The following CSMD3 variants were observed in gnomAD, a reference collection of about 807,000 sequenced individuals.
CSMD3 encodes CUB and Sushi multiple domains 3.
A neutral mutation model predicts 435.2 loss-of-function variants in CSMD3; 177 were observed. That is an observed-to-expected ratio of 0.41 (90% CI 0.36 to 0.46). The LOEUF (loss-of-function observed/expected upper bound fraction) is 0.46. CSMD3 is among the 20% of genes least tolerant of loss of function. CSMD3 has a pLI of 0.34. For missense variants in CSMD3, 4,265 were observed against 4,504.6 expected, an observed-to-expected ratio of 0.95 and a Z score of 1.52; for synonymous variants, 1,656 against 1,520.5, an observed-to-expected ratio of 1.09 and a Z score of -2.07.
intron 2 of CSMD3, among the ~76,000 whole-genome samples, chr8:113,297,508 A>T (rs2093731516): frequency 6.7e-6 from 1 of 150,304 alleles, no homozygotes; most frequent in African/African-American, 2.5e-5. Context: ...CCAATTAATC[A>T]TACCAAGAAA....
chr8:113,291,122 G>T (rs1563658515), intron 2 of CSMD3, among the ~76,000 whole-genome samples: 1 of 151,406 alleles, frequency 6.6e-6, no homozygotes, highest in Non-Finnish European at 1.5e-5. Flanking sequence ...TATGAGAAAT[G>T]CCAATTTAAT....
intron 3 of CSMD3, among the ~76,000 whole-genome samples, chr8:113,225,175 A>T (rs2093012874): frequency 6.6e-6 from 1 of 151,420 alleles, no homozygotes; most frequent in South Asian, 2.1e-4. Flanking sequence ...ACGTCCTAGG[A>T]TTATCAAATT....
At chr8:112,886,442 A>G (rs2081601755) in intron 10 of CSMD3, among the ~76,000 whole-genome samples, 1 of 151,108 alleles carries the variant, frequency 6.6e-6, no homozygotes, top group Non-Finnish European at 1.5e-5. Context: ...TGTTCCTGTT[A>G]TCTTGTGTCG....
intron 7 of CSMD3, among the ~76,000 whole-genome samples, chr8:112,959,136 C>T (rs1564150448): frequency 6.6e-6 from 1 of 151,900 alleles, no homozygotes; most frequent in African/African-American, 2.4e-5. Context: ...ATGTAATATG[C>T]AGAACATTTA....
chr8:113,317,580 G>T (rs1292498529), intron 1 of CSMD3, among the ~76,000 whole-genome samples: 4 of 152,050 alleles, frequency 2.6e-5, no homozygotes, highest in Admixed American at 2.0e-4. Flanking sequence ...TTATCACAAA[G>T]TTACATTAAA....
At chr8:113,048,083 C>CTT (rs35254619) in intron 5 of CSMD3, among the ~76,000 whole-genome samples, 52 of 106,912 alleles carry the variant, frequency 4.9e-4, no homozygotes, top group Non-Finnish European at 6.1e-4. Flanking sequence ...AACTTCAATT[C>CTT]TTTTTTTTTT....
At chr8:112,295,189 C>T (rs941518518) in intron 54 of CSMD3, among the ~76,000 whole-genome samples, 2 of 152,002 alleles carry the variant, frequency 1.3e-5, no homozygotes, top group Admixed American at 1.3e-4. Flanking sequence ...TTTAAAAATG[C>T]AATGCATTTT....
chr8:112,318,746 A>T, intron 47 of CSMD3, 91 bp downstream of exon 47: 4 of 795,208 alleles, frequency 5.0e-6, no homozygotes, highest in Non-Finnish European at 8.4e-6. Flanking sequence ...AACATTTCAT[A>T]TTTATATAGA....
intron 8 of CSMD3, among the ~76,000 whole-genome samples, chr8:112,949,900 C>A (rs1369863607): frequency 6.6e-6 from 1 of 151,898 alleles, no homozygotes; most frequent in Non-Finnish European, 1.5e-5. Flanking sequence ...CCATGTTTTC[C>A]TTTCCTTCCC....
chr8:112,983,767 G>C (rs895841837), intron 6 of CSMD3, among the ~76,000 whole-genome samples: 1 of 151,812 alleles, frequency 6.6e-6, no homozygotes, highest in African/African-American at 2.4e-5. Context: ...TGGAAGAATA[G>C]GGTTCATTAT....
At chr8:112,277,540 T>C (rs1818188262) in intron 59 of CSMD3, among the ~76,000 whole-genome samples, 1 of 152,180 alleles carries the variant, frequency 6.6e-6, no homozygotes, top group Admixed American at 6.6e-5. Context: ...TCCAAACTGT[T>C]CCAACCTCTG....
At chr8:112,273,687 C>T (rs1817743983) in intron 59 of CSMD3, among the ~76,000 whole-genome samples, 1 of 144,216 alleles carries the variant, frequency 6.9e-6, no homozygotes, top group Admixed American at 7.1e-5. Flanking sequence ...GATCATGCCA[C>T]TGCACTCCAG....
intron 70 of CSMD3, among the ~76,000 whole-genome samples, chr8:112,225,322 G>A (rs1447625772): frequency 6.6e-6 from 1 of 151,944 alleles, no homozygotes; most frequent in African/African-American, 2.4e-5. Context: ...TTATGCGCCA[G>A]TCATGATTCT....
intron 1 of CSMD3, among the ~76,000 whole-genome samples, chr8:113,398,723 C>T (rs1349718574): frequency 6.6e-6 from 1 of 151,998 alleles, no homozygotes; most frequent in African/African-American, 2.4e-5. Flanking sequence ...GTATGCAAAC[C>T]ACTAACTTTG....
rs746796156 is a variant in CSMD3, at chr8:113,173,803, G to T, written c.628C>A (p.Leu210Ile). The T allele has an allele frequency of 1.9e-6, 3 of 1,613,764 alleles. No individual in the cohort carries two copies. Among genetic ancestry groups the T allele is most frequent in the Non-Finnish European group, 2.5e-6 (3 of 1,179,730 alleles). Residue 210 changes from leucine (L) to isoleucine (I), a missense_variant, in exon 4 of 71, where the codon CTT becomes ATT. Coordinates refer to ENST00000297405, the MANE Select transcript of CSMD3 (RefSeq NM_198123.2). ...CAGGTGAGCTGAGGGTGGCCATCAA[G>T]GATGTATCCAGTTACACAGCTGTAG... ...IRYSCVTGYILDGHPQLTCIA... is the reference protein window; with the variant it reads ...IRYSCVTGYIIDGHPQLTCIA...
intron 22 of CSMD3, among the ~76,000 whole-genome samples, chr8:112,609,752 C>A (rs2131461500): frequency 6.6e-6 from 1 of 152,106 alleles, no homozygotes; most frequent in Non-Finnish European, 1.5e-5. Flanking sequence ...TAGAAACAAC[C>A]AACCTAAGTG....
chr8:113,356,926 A>G (rs1250579064), intron 1 of CSMD3, among the ~76,000 whole-genome samples: 1 of 152,132 alleles, frequency 6.6e-6, no homozygotes, highest in Admixed American at 6.5e-5. Context: ...TTTCTGAAAA[A>G]AATGTTATAT....
intron 23 of CSMD3, among the ~76,000 whole-genome samples, chr8:112,586,633 AC>A (rs1459091356): frequency 6.6e-6 from 1 of 151,032 alleles, no homozygotes; most frequent in African/African-American, 2.4e-5. Flanking sequence ...TCACGTATTA[AC>A]AAAAATAAAT....
At chr8:112,826,075 G>C (rs932871920) in intron 12 of CSMD3, among the ~76,000 whole-genome samples, 2 of 152,168 alleles carry the variant, frequency 1.3e-5, no homozygotes, top group Non-Finnish European at 2.9e-5. Context: ...ACCCAGTGGG[G>C]AGGGATGGGT....
Sources: gnomAD v4.1 joint callset for allele counts (sites outside exome capture counted in the v4.1 genomes callset) on GRCh38, gnomAD v4.1.1 for gene constraint, MANE v1.5 for transcripts, NCBI Gene and HGNC (gene_info 2026-07-23, HGNC 2026-07-21) for gene names.